Variants in TAOK3 observed in about 807,000 individuals in gnomAD.
TAOK3 encodes the protein TAO kinase 3, also known as serine/threonine-protein kinase TAO3.
A neutral mutation model predicts 120.4 loss-of-function variants in TAOK3; 40 were observed. The observed-to-expected ratio is 0.33, with a 90% CI of 0.26 to 0.43. The LOEUF is 0.43. Among genes scored for constraint, TAOK3 ranks in the 20% least tolerant of loss-of-function variants. The pLI is 1.00. For synonymous variants in TAOK3, 355 were observed against 387.5 expected, an observed-to-expected ratio of 0.92 and a Z score of 0.99; for missense variants, 821 against 1,112.1, an observed-to-expected ratio of 0.74 and a Z score of 3.72.
intron 1 of TAOK3, among the ~76,000 whole-genome samples, chr12:118,286,530 C>A (rs1008641672): frequency 6.6e-6 from 1 of 151,710 alleles, no homozygotes; most frequent in Non-Finnish European, 1.5e-5. Flanking sequence ...ACGATTATCA[C>A]CCTACTCCTG....
At chr12:118,165,636 A>G (rs536825160) in intron 17 of TAOK3, among the ~76,000 whole-genome samples, 3 of 152,290 alleles carry the variant, frequency 2.0e-5, no homozygotes, top group South Asian at 2.1e-4. Flanking sequence ...GCTCCTCTAT[A>G]AGTCTTATGT....
chr12:118,326,974 A>C (rs2043960728), intron 1 of TAOK3, among the ~76,000 whole-genome samples: 1 of 152,186 alleles, frequency 6.6e-6, no homozygotes, highest in Non-Finnish European at 1.5e-5. Context: ...TTTATTACCC[A>C]AATGGAGTCA....
chr12:118,253,037 C>T (rs777501626), intron 3 of TAOK3, among the ~76,000 whole-genome samples: 1 of 152,088 alleles, frequency 6.6e-6, no homozygotes, highest in South Asian at 2.1e-4. Flanking sequence ...AAATTAGCAC[C>T]CTTTTCAGCC....
At chr12:118,200,322 A>G (rs2037958048) in intron 12 of TAOK3, 1 of 152,124 alleles carries the variant, frequency 6.6e-6, no homozygotes, top group South Asian at 2.1e-4. Context: ...CTCTTTAACT[A>G]TATCCCTTTC....
At chr12:118,293,030 T>A (rs2042541896) in intron 1 of TAOK3, among the ~76,000 whole-genome samples, 1 of 152,222 alleles carries the variant, frequency 6.6e-6, no homozygotes, top group South Asian at 2.1e-4. Flanking sequence ...CTAGCAGATA[T>A]GGCAAGCATG....
intron 9 of TAOK3, among the ~76,000 whole-genome samples, chr12:118,215,144 G>A (rs1180948536): frequency 1.7e-4 from 25 of 150,178 alleles, no homozygotes; most frequent in African/African-American, 5.8e-4. Context: ...CTCCAAAAGT[G>A]CTGGGATTAC....
chr12:118,330,703 A>C (rs967067062), intron 1 of TAOK3, among the ~76,000 whole-genome samples: 30 of 152,024 alleles, frequency 2.0e-4, no homozygotes, highest in African/African-American at 7.0e-4. Flanking sequence ...AAAATTCAAA[A>C]AAAGAGGTAA....
At chr12:118,167,024 C>T (rs2035645576) in intron 17 of TAOK3, among the ~76,000 whole-genome samples, 1 of 152,152 alleles carries the variant, frequency 6.6e-6, no homozygotes, top group Non-Finnish European at 1.5e-5. Context: ...TTTTTATGCT[C>T]AGGCTCACTG....
chr12:118,161,619 C>T lies in TAOK3; in HGVS notation c.2139+169G>A, dbSNP rs1416055175. 6.6e-6 allele frequency among the ~76,000 whole-genome samples: 1 copy of T among 152,192 alleles called. No homozygotes were observed. The highest frequency in any genetic ancestry group is 2.4e-5 in the African/African-American group (1 of 41,452). ...TCCAAACCAGCTTGCCCAACATCTC[C>T]TTTTCAGGAGCTTAAATATAGACTC... On this transcript the variant is annotated intron_variant, in intron 18 of 20. Transcript: ENST00000392533. This position sits in a 1 kb window ranked among gnomAD's most constrained non-coding sequence, Gnocchi z 4.5.
rs73412970 is a variant in TAOK3, at chr12:118,306,317, C to T, written c.-193-39558G>A. On this transcript the variant is annotated intron_variant, in intron 1 of 20. Transcript: ENST00000392533. ...AGTTTTCTTATTCTATTCCTATTTACTGCTAACTTTATTTTTTATGTTTTT... is the reference window on the plus strand; with the variant it reads ...AGTTTTCTTATTCTATTCCTATTTATTGCTAACTTTATTTTTTATGTTTTT... Among the ~76,000 whole-genome samples, 208 of 152,032 alleles carry T rather than the reference C, an allele frequency of 1.4e-3. 1 individual carries two copies. Among genetic ancestry groups the T allele is most frequent in the African/African-American group, 4.8e-3 (200 of 41,478 alleles).
intron 11 of TAOK3, among the ~76,000 whole-genome samples, chr12:118,211,289 G>C (rs1372207979): frequency 6.6e-6 from 1 of 152,048 alleles, no homozygotes; most frequent in East Asian, 1.9e-4. Context: ...TCTCCTCCAT[G>C]TGTTTTGTTT....
In TAOK3 at chr12:118,342,070, A is replaced by AT. The variant is rs112909777; in HGVS notation, c.-194+30577dup. 1.4e-3 allele frequency among the ~76,000 whole-genome samples: 214 copies of AT among 149,704 alleles called. 1 individual carries two copies. Among genetic ancestry groups the AT allele is most frequent in the African/African-American group, 1.8e-3 (75 of 40,940 alleles). On this transcript the variant is annotated intron_variant, in intron 1 of 20. Transcript: ENST00000392533. The stretch of plus-strand genomic sequence containing the variant: ...AAATTAAAACCTTCTGTGATCTCTC[A>AT]TTTTTTTTTTAACATTTTCACTATT...
At chr12:118,333,736 C>G (rs2044245963) in intron 1 of TAOK3, among the ~76,000 whole-genome samples, 1 of 150,572 alleles carries the variant, frequency 6.6e-6, no homozygotes, top group South Asian at 2.1e-4. Context: ...AAACCTGCAG[C>G]AAGACTGACA....
At chr12:118,332,965 CA>C (rs1387739863) in intron 1 of TAOK3, among the ~76,000 whole-genome samples, 1 of 151,314 alleles carries the variant, frequency 6.6e-6, no homozygotes, top group Non-Finnish European at 1.5e-5. Context: ...ATGCACCAAA[CA>C]ACAGTTTCAA....
At position 118,181,516 on chromosome 12, in the gene TAOK3, T is replaced by C. The variant is rs2036723320; in HGVS notation, c.1421A>G (p.Gln474Arg). ...CAGCTTGTTCTCCAGGGCGATCAGC[T>C]GCTTCTGGTGCTGGCGCCGCATCCG... ...YKRMRRQHQK[Q>R]LIALENKLKA... The change falls in exon 15 of 21, where the codon CAG (glutamine) becomes CGG (arginine). Residue 474 changes from glutamine to arginine, a missense_variant. By Grantham distance (43) the Gln-to-Arg change is conservative (BLOSUM62 1). Around this residue, in one of 2 missense-constraint regions of TAOK3, gnomAD observed 354 missense variants for 572.1 expected, o/e 0.62. Coordinates refer to ENST00000392533, the MANE Select transcript of TAOK3 (RefSeq NM_016281.4). 1 of 1,614,242 alleles carries C rather than the reference T, an allele frequency of 6.2e-7. No individual in the cohort carries two copies.
chr12:118,218,929 G>C (rs1039147673), intron 9 of TAOK3, among the ~76,000 whole-genome samples: 3 of 152,050 alleles, frequency 2.0e-5, no homozygotes, highest in Admixed American at 6.6e-5. Flanking sequence ...CTCCAGCCTG[G>C]GTGACAGAGT....
intron 3 of TAOK3, among the ~76,000 whole-genome samples, chr12:118,253,346 T>G (rs1020384456): frequency 1.1e-4 from 17 of 152,226 alleles, no homozygotes; most frequent in African/African-American, 4.1e-4. Context: ...AAGAAATTAT[T>G]TGATTACAAG....
chr12:118,159,448 C>G (rs1022724634), intron 19 of TAOK3, among the ~76,000 whole-genome samples: 1 of 151,970 alleles, frequency 6.6e-6, no homozygotes, highest in African/African-American at 2.4e-5. Flanking sequence ...GTAGCTGGGA[C>G]TACAGGTGCC....
At chr12:118,299,565 A>T (rs923074885) in intron 1 of TAOK3, among the ~76,000 whole-genome samples, 6 of 152,160 alleles carry the variant, frequency 3.9e-5, no homozygotes, top group Admixed American at 2.0e-4. Context: ...GATGGAGTGC[A>T]GTGGCTCGAT....
Sources: gnomAD v4.1 joint callset for allele counts (sites outside exome capture counted in the v4.1 genomes callset) on GRCh38, gnomAD v4.1.1 for gene constraint, gnomAD v4.1.1 regional missense constraint, Gnocchi (gnomAD v3.1) non-coding constraint, MANE v1.5 for transcripts, NCBI Gene and HGNC (gene_info 2026-07-23, HGNC 2026-07-21) for gene names.